EPM2A: variants seen among roughly 807,000 people sequenced by gnomAD.
The protein encoded by EPM2A is EPM2A glucan phosphatase, laforin, also known as laforin.
EPM2A carries 21 observed loss-of-function variants against 26.5 expected under a neutral mutation model. That is an observed-to-expected ratio of 0.79 (90% confidence interval 0.56 to 1.14). The LOEUF is 1.14. Among genes scored for constraint, EPM2A ranks in the 50% most tolerant of loss-of-function variants. The pLI, the probability that EPM2A is intolerant of heterozygous loss-of-function variation, is 0.00. For missense variants in EPM2A, 458 were observed against 440.8 expected (o/e 1.04, Z -0.35); for synonymous variants, 217 against 177.6 (o/e 1.22, Z -1.76).
At position 145,727,919 on chromosome 6, in the gene EPM2A, C is replaced by T. The variant is rs149400755; in HGVS notation, c.301+7279G>A. ...GTTGAAGGAGGGGCCTGGTGAGAGACGATTGAATCACGGGGGCAGACTTCC... is the reference window on the plus strand; with the variant it reads ...GTTGAAGGAGGGGCCTGGTGAGAGATGATTGAATCACGGGGGCAGACTTCC... On this transcript the variant is annotated intron_variant, in intron 1 of 3. Transcript: ENST00000367519. Among the ~76,000 whole-genome samples the T allele has an allele frequency of 1.3e-3, 192 of 152,222 alleles. 1 individual carries two copies. The highest frequency in any genetic ancestry group is 4.3e-3 in the African/African-American group (178 of 41,538).
chr6:145,635,223 G>A (rs747019770), intron 3 of EPM2A, 22 bp downstream of exon 3: 2 of 1,613,902 alleles, frequency 1.2e-6, no homozygotes, highest in East Asian at 2.2e-5. Context: ...CAGCAAGGAG[G>A]CAGAACAGTT....
chr6:145,654,974 C>T (rs778993474), intron 2 of EPM2A, among the ~76,000 whole-genome samples: 5 of 152,026 alleles, frequency 3.3e-5, no homozygotes, highest in Admixed American at 2.6e-4. Context: ...AGACTGTCAG[C>T]TTCTTGAGTG....
chr6:145,619,214 G>T (rs552207834), intron 2 of EPM2A, among the ~76,000 whole-genome samples: 1 of 152,220 alleles, frequency 6.6e-6, no homozygotes, highest in East Asian at 1.9e-4. Flanking sequence ...AAGATGTTTT[G>T]AAACAAATTG....
At chr6:145,483,955 T>C (rs1024982467) in intron 4 of EPM2A, among the ~76,000 whole-genome samples, 15 of 152,148 alleles carry the variant, frequency 9.9e-5, no homozygotes, top group Non-Finnish European at 1.3e-4. Context: ...AAGAAGTTAA[T>C]ACATCTAACA....
At chr6:145,719,491 AG>A (rs1775833484) in intron 1 of EPM2A, among the ~76,000 whole-genome samples, 1 of 125,456 alleles carries the variant, frequency 8.0e-6, no homozygotes, top group African/African-American at 2.9e-5. Context: ...GGGAGGGGGG[AG>A]GGATAGCATT....
intron 4 of EPM2A, among the ~76,000 whole-genome samples, chr6:145,416,431 T>C (rs1307146725): frequency 6.6e-6 from 1 of 152,122 alleles, no homozygotes; most frequent in Non-Finnish European, 1.5e-5. Context: ...GGATTTTATA[T>C]GGATATACAT....
intron 2 of EPM2A, among the ~76,000 whole-genome samples, chr6:145,583,136 T>C (rs1478901242): frequency 3.9e-5 from 6 of 152,208 alleles, no homozygotes; most frequent in Admixed American, 6.5e-5. Context: ...CCTATTCATC[T>C]TCTGAATTCT....
At chr6:145,672,186 T>TAA (rs1402532566) in intron 2 of EPM2A, among the ~76,000 whole-genome samples, 1 of 152,216 alleles carries the variant, frequency 6.6e-6, no homozygotes, top group Non-Finnish European at 1.5e-5. Flanking sequence ...AAATGTGGAT[T>TAA]TAATATTTAT....
At chr6:145,576,975 G>GT (rs1781040563) in intron 2 of EPM2A, among the ~76,000 whole-genome samples, 1 of 151,120 alleles carries the variant, frequency 6.6e-6, no homozygotes, top group African/African-American at 2.4e-5. Flanking sequence ...GTTTTAAGAT[G>GT]TTTTTTACAA....
rs554901291 is a variant in EPM2A at position 145,384,837 on chromosome 6, AG to A, written c.556-741del. ...ACTTTCTCTGTATTTCATAGAAGAA[AG>A]AGCATCATATTGGAAAGTCTAGAGT... is the stretch of plus-strand genomic sequence containing the variant. On this transcript the variant is annotated intron_variant, in intron 4 of 4. Coordinates refer to the EPM2A transcript ENST00000638717. 8.1e-5 allele frequency among the ~76,000 whole-genome samples: 12 copies of A among 148,180 alleles called. No homozygotes were observed. In the East Asian group the frequency reaches 2.0e-3, roughly 24 times the overall value.
chr6:145,439,634 ATGTCCTT>A (rs1216743309), intron 4 of EPM2A, among the ~76,000 whole-genome samples: 1 of 151,906 alleles, frequency 6.6e-6, no homozygotes, highest in East Asian at 1.9e-4. Flanking sequence ...GTGTCTGTTC[ATGTCCTT>A]TGCCCTCTTT....
intron 1 of EPM2A, among the ~76,000 whole-genome samples, chr6:145,708,392 A>G (rs905180953): frequency 6.6e-6 from 1 of 152,074 alleles, no homozygotes; most frequent in Non-Finnish European, 1.5e-5. Flanking sequence ...AAGCAGGAGG[A>G]AAAAATGGCT....
rs1323035300 is a variant in EPM2A, at chr6:145,463,450, TTA to T, written c.555+39070_555+39071del. 3 of 152,220 alleles carry T rather than the reference TTA, an allele frequency of 2.0e-5. No individual in the cohort carries two copies. The East Asian group carries it at 5.8e-4, about 29-fold the overall frequency. The allele number at this position is 152,220 out of a possible 1,614,324, so 9.4% of individuals were successfully genotyped here. A position where few individuals can be genotyped will look rare whatever the true frequency, so the allele number is the denominator to read the frequency against. On this transcript the variant is annotated intron_variant, in intron 4 of 4. Coordinates refer to the EPM2A transcript ENST00000638717. ...GTAAGATATATACACATGCATATAT[TTA>T]TATATGTGTGTGTAAATTTATGCAC... is the stretch of plus-strand genomic sequence containing the variant.
At chr6:145,546,884 T>C (rs1780589485) in intron 2 of EPM2A, among the ~76,000 whole-genome samples, 1 of 152,168 alleles carries the variant, frequency 6.6e-6, no homozygotes, top group African/African-American at 2.4e-5. Context: ...AGTTTAGAAT[T>C]TGGAGCCCTG....
intron 1 of EPM2A, among the ~76,000 whole-genome samples, chr6:145,707,157 T>C (rs1447733256): frequency 6.6e-6 from 1 of 152,224 alleles, no homozygotes. Context: ...AAGGTATTTT[T>C]GTTATAGCAG....
chr6:145,596,798 T>C (rs1444527386), intron 2 of EPM2A, among the ~76,000 whole-genome samples: 1 of 151,658 alleles, frequency 6.6e-6, no homozygotes, highest in Non-Finnish European at 1.5e-5. Context: ...GACTAGATTC[T>C]CTCTAAGCCT....
At chr6:145,684,896 CCAGAA>C in intron 2 of EPM2A, 1 of 152,234 alleles carries the variant, frequency 6.6e-6, no homozygotes, top group Non-Finnish European at 1.5e-5. Flanking sequence ...CCAACATCTA[CCAGAA>C]GTTTGAAAGA....
chr6:145,585,300 T>C (rs1426089590), intron 2 of EPM2A, among the ~76,000 whole-genome samples: 1 of 152,140 alleles, frequency 6.6e-6, no homozygotes, highest in African/African-American at 2.4e-5. Context: ...TTGGAAAAAG[T>C]TTGGTCATTA....
intron 2 of EPM2A, among the ~76,000 whole-genome samples, chr6:145,564,663 G>C (rs1780853945): frequency 6.6e-6 from 1 of 151,528 alleles, no homozygotes; most frequent in Non-Finnish European, 1.5e-5. Context: ...TTTTATGTAG[G>C]AACTCAAAGT....
Sources: gnomAD v4.1 joint callset for allele counts (sites outside exome capture counted in the v4.1 genomes callset) on GRCh38, gnomAD v4.1.1 for gene constraint, MANE v1.5 for transcripts, NCBI Gene and HGNC (gene_info 2026-07-23, HGNC 2026-07-21) for gene names.